Variants in PCDHA5 observed in about 807,000 individuals in gnomAD.
PCDHA5 encodes the protein protocadherin alpha-5.
A neutral mutation model predicts 61.6 loss-of-function variants in PCDHA5; 43 were observed. The observed-to-expected ratio is 0.70, with a 90% CI of 0.55 to 0.90. The LOEUF is 0.90. PCDHA5 is among the 40% of genes least tolerant of loss of function. PCDHA5 has a pLI of 0.00. For synonymous variants in PCDHA5, 627 were observed against 543.9 expected (o/e 1.15, Z -2.13); for missense variants, 1,298 against 1,222.7 (o/e 1.06, Z -0.92).
chr5:140,865,315 G>A (rs183867521), intron 1 of PCDHA5: 43 of 152,182 alleles, frequency 2.8e-4, no homozygotes, highest in African/African-American at 7.9e-4. Flanking sequence ...CAAATGAGAT[G>A]GCCTTTAATT....
At chr5:140,858,465 T>G in intron 1 of PCDHA5, 1 of 1,522,706 alleles carries the variant, frequency 6.6e-7, no homozygotes, top group African/African-American at 1.4e-5. Flanking sequence ...ATTTTCCTTT[T>G]GTGCTTTATG....
chr5:140,852,094 C>A, intron 1 of PCDHA5: 2 of 907,306 alleles, frequency 2.2e-6, no homozygotes, highest in Non-Finnish European at 2.7e-6. Flanking sequence ...AATATTGTGT[C>A]AGATATTTTA....
chr5:140,884,247 CG>C (rs1220799816), intron 1 of PCDHA5: 1 of 1,613,280 alleles, frequency 6.2e-7, no homozygotes, highest in Non-Finnish European at 8.5e-7. Flanking sequence ...CCCGCGCTGA[CG>C]GCCACGGCAA....
chr5:140,935,852 CTT>C (rs1267620281), intron 1 of PCDHA5, among the ~76,000 whole-genome samples: 2 of 149,326 alleles, frequency 1.3e-5, no homozygotes, highest in African/African-American at 4.9e-5. Context: ...TTAATGGTGT[CTT>C]TTGATTAGCA....
chr5:140,865,511 T>C (rs868994454), intron 1 of PCDHA5: 1 of 152,226 alleles, frequency 6.6e-6, no homozygotes, highest in African/African-American at 2.4e-5. Flanking sequence ...TCCTACTTTA[T>C]GGTGCTGGAA....
chr5:140,941,185 CT>C (rs782102770), intron 1 of PCDHA5, among the ~76,000 whole-genome samples: 20 of 102,174 alleles, frequency 2.0e-4, no homozygotes, highest in Admixed American at 7.9e-4. Context: ...CATCCTGCTT[CT>C]TTTTTTTTCT....
chr5:140,886,373 G>A (rs2060960480), intron 1 of PCDHA5, among the ~76,000 whole-genome samples: 2 of 152,042 alleles, frequency 1.3e-5, no homozygotes. Context: ...ACATGCCATG[G>A]TGTGCTTATC....
At chr5:140,994,733 C>G (rs2097647887) in intron 3 of PCDHA5, among the ~76,000 whole-genome samples, 1 of 152,034 alleles carries the variant, frequency 6.6e-6, no homozygotes, top group Non-Finnish European at 1.5e-5. Context: ...CTGGGTATTG[C>G]AGGATGGCAA....
At chr5:140,995,903 G>A (rs1554254885) in intron 3 of PCDHA5, among the ~76,000 whole-genome samples, 2 of 152,206 alleles carry the variant, frequency 1.3e-5, no homozygotes, top group East Asian at 1.9e-4. Flanking sequence ...ATGTATAAAA[G>A]AGGAGAGACC....
At chr5:140,973,753 G>A (rs935956688) in intron 1 of PCDHA5, among the ~76,000 whole-genome samples, 1 of 152,244 alleles carries the variant, frequency 6.6e-6, no homozygotes, top group Non-Finnish European at 1.5e-5. Flanking sequence ...ACACTCTGCA[G>A]GGACACAGCC....
Position 140,824,015 on chromosome 5 carries a change from G to T in PCDHA5, c.2240G>T (p.Trp747Leu). Residue 747 changes from tryptophan (W) to leucine (L), a missense_variant, in exon 1 of 4, where the codon TGG (tryptophan) becomes TTG (leucine). Trp to Leu is a moderately conservative substitution (Grantham distance 61). Transcript: ENST00000529859. The part of the protein sequence containing the change: ...TLLCSSAVGS[W>L]SYSQQRRQRV... The stretch of plus-strand genomic sequence containing the variant: ...TTGTGCTCCAGCGCGGTGGGGAGCT[G>T]GTCGTACTCGCAGCAGAGGAGACAG... 1 of 1,614,132 alleles carries T rather than the reference G, an allele frequency of 6.2e-7. No individual in the cohort carries two copies. The highest frequency in any genetic ancestry group is 8.5e-7 in the Non-Finnish European group (1 of 1,180,004).
chr5:140,928,716 C>G (rs555492959), intron 1 of PCDHA5: 3 of 1,614,178 alleles, frequency 1.9e-6, no homozygotes, highest in Non-Finnish European at 2.5e-6. Flanking sequence ...ACTCTAGTCT[C>G]TTTAGAATTT....
rs140175664 is a variant in PCDHA5, at chr5:140,837,632, C to CCTTT, written c.2352+13521_2352+13524dup. Among the ~76,000 whole-genome samples, 52 of 151,222 alleles carry CCTTT rather than the reference C, an allele frequency of 3.4e-4. 1 individual carries two copies. Among genetic ancestry groups the CCTTT allele is most frequent in the Middle Eastern group, 6.8e-3 (2 of 294 alleles). On this transcript the variant is annotated intron_variant, in intron 1 of 3. Transcript: ENST00000529859. ...TAATTTGCCCCTTCCTTCCTTCCTT[C>CCTTT]CTTTCTTTCTTTCTTTCTTCCTTTT...
In PCDHA5 at chr5:140,844,415, G is replaced by GT. The variant is rs1436440937; in HGVS notation, c.2352+20294dup. Among the ~76,000 whole-genome samples, 5 of 149,230 alleles carry GT rather than the reference G, an allele frequency of 3.4e-5. 1 individual carries two copies. Among genetic ancestry groups the GT allele is most frequent in the Non-Finnish European group, 6.0e-5 (4 of 66,716 alleles). On this transcript the variant is annotated intron_variant, in intron 1 of 3. Transcript: ENST00000529859. ...AGACCATTTTACCATTTGGAGACAT[G>GT]TTTTTTATTCTACATGATTTTTACA...
rs2154002003 is a variant in PCDHA5, at chr5:141,010,389, G to GAC, written c.*453_*454dup. The stretch of plus-strand genomic sequence containing the variant: ...TATGCGAGTGCCAGATATTGGCTGA[G>GAC]ACGAGCCAGCTTAGACTAATTGGTA... On this transcript the variant is annotated 3_prime_UTR_variant, in exon 4 of 4. Coordinates refer to ENST00000529859, the MANE Select transcript of PCDHA5 (RefSeq NM_018908.3). 1.4e-6 allele frequency: 2 copies of GAC among 1,400,314 alleles called. No individual in the cohort carries two copies. The highest frequency in any genetic ancestry group is 5.0e-5 in the East Asian group (2 of 40,030). The allele number at this position is 1,400,314 out of a possible 1,614,324, so 86.7% of individuals were successfully genotyped here. A position where few individuals can be genotyped will look rare whatever the true frequency, so the allele number is the denominator to read the frequency against.
At chr5:140,981,828 A>C (rs2096952526) in intron 2 of PCDHA5, among the ~76,000 whole-genome samples, 1 of 152,060 alleles carries the variant, frequency 6.6e-6, no homozygotes, top group Non-Finnish European at 1.5e-5. Context: ...GCTTGCCTCT[A>C]AAGGTCTCCC....
intron 1 of PCDHA5, chr5:140,834,252 A>G (rs1772864015): frequency 7.6e-6 from 7 of 916,288 alleles, no homozygotes; most frequent in Non-Finnish European, 1.2e-5. Context: ...CACTGGAAAG[A>G]CGCTCCACTC....
At chr5:140,968,020 C>G (rs1554230190) in intron 1 of PCDHA5, 1 of 1,614,202 alleles carries the variant, frequency 6.2e-7, no homozygotes, top group Non-Finnish European at 8.5e-7. Context: ...TTGGAAACTC[C>G]TATACACTGG....
chr5:140,941,111 G>T (rs1477407055), intron 1 of PCDHA5, among the ~76,000 whole-genome samples: 2 of 152,090 alleles, frequency 1.3e-5, no homozygotes, highest in Non-Finnish European at 2.9e-5. Context: ...TTACTGGAAA[G>T]ATTAGTCCTT....
Sources: allele counts gnomAD v4.1 joint callset (sites outside exome capture counted in the v4.1 genomes callset), GRCh38; gene constraint gnomAD v4.1.1; transcripts MANE v1.5; gene names NCBI Gene and HGNC (gene_info 2026-07-23, HGNC 2026-07-21).